Variants in STARD9 observed in about 807,000 individuals in gnomAD.
The protein encoded by STARD9 is StAR related lipid transfer domain containing 9.
In STARD9, 346 loss-of-function variants were observed where a neutral mutation model predicts 399.8. That is an observed-to-expected ratio of 0.87 (90% CI 0.79 to 0.95). The LOEUF (loss-of-function observed/expected upper bound fraction) is 0.95. Among genes scored for constraint, STARD9 ranks in the 40% least tolerant of loss-of-function variants. The pLI is 0.00. For synonymous variants in STARD9, 2,203 were observed against 2,143.5 expected, an observed-to-expected ratio of 1.03 and a Z score of -0.77; for missense variants, 5,832 against 5,667.5, an observed-to-expected ratio of 1.03 and a Z score of -0.93.
At chr15:42,673,099 A>C (rs2060235086) in intron 16 of STARD9, 1 of 144,942 alleles carries the variant, frequency 6.9e-6, no homozygotes, top group Non-Finnish European at 1.5e-5. Flanking sequence ...CTCCATCTCA[A>C]AAAAAAAAAA....
chr15:42,684,579 G>T lies in STARD9; in HGVS notation c.3001G>T (p.Ala1001Ser). The change falls in exon 23 of 33, where the codon GCT becomes TCT. Residue 1001 changes from alanine to serine, a missense_variant. Ala to Ser is a moderately conservative substitution (Grantham distance 99). Around this residue, in one of 2 missense-constraint regions of STARD9, gnomAD observed 5,828 missense variants for 5,651.1 expected, o/e 1.03. Coordinates refer to ENST00000290607, the MANE Select transcript of STARD9 (RefSeq NM_020759.3). ...RKEGNLGTHK[A>S]AKGASCNSLY... ...AGAAGGGAACCTTGGGACCCACAAG[G>T]CTGCTAAGGGAGCCAGTTGCAATTC... 1 of 1,537,200 alleles carries T rather than the reference G, an allele frequency of 6.5e-7. No homozygotes were observed. The highest frequency in any genetic ancestry group is 8.7e-7 in the Non-Finnish European group (1 of 1,146,898).
Position 42,692,361 on chromosome 15 carries a change from G to T in STARD9, c.10783G>T (p.Gly3595Cys), listed in dbSNP as rs559885676. Reference sequence around the variant, plus strand: ...AAGGCCTCAGTTCAGGGGCCCTTCTGGTGAAGCAGACTGTCTGAGGAGTAA... The same window carrying T: ...AAGGCCTCAGTTCAGGGGCCCTTCTTGTGAAGCAGACTGTCTGAGGAGTAA... ...DRRPQFRGPS[G>C]EADCLRSKPP... The change falls in exon 23 of 33, where the codon GGT becomes TGT. Residue 3595 changes from glycine (G) to cysteine (C), a missense_variant. This residue lies in a region of STARD9 where 5,828 missense variants were observed against 5,651.1 expected (regional missense o/e 1.03). Coordinates refer to ENST00000290607, the MANE Select transcript of STARD9 (RefSeq NM_020759.3). 119 of 1,537,030 alleles carry T rather than the reference G, an allele frequency of 7.7e-5. No individual in the cohort carries two copies. In the African/African-American group the frequency reaches 1.4e-3, roughly 18 times the overall value.
intron 3 of STARD9, among the ~76,000 whole-genome samples, chr15:42,623,165 T>C (rs949189013): frequency 6.6e-6 from 1 of 152,064 alleles, no homozygotes; most frequent in African/African-American, 2.4e-5. Flanking sequence ...GGCAGGAGAA[T>C]TGCTTGAACC....
At chr15:42,586,799 C>G (rs1459781654) in intron 3 of STARD9, among the ~76,000 whole-genome samples, 3 of 151,166 alleles carry the variant, frequency 2.0e-5, no homozygotes, top group African/African-American at 7.3e-5. Context: ...AATAAAAAGT[C>G]AAACTATGTT....
At chr15:42,718,636 TA>T in intron 31 of STARD9, 115 bp from the exon 32 acceptor site, 1 of 1,424,110 alleles carries the variant, frequency 7.0e-7, no homozygotes, top group South Asian at 1.2e-5. Flanking sequence ...GGAGCCAGGG[TA>T]GGGGTGGCTT....
intron 3 of STARD9, among the ~76,000 whole-genome samples, chr15:42,598,350 A>T (rs1254252966): frequency 6.6e-6 from 1 of 151,596 alleles, no homozygotes; most frequent in Admixed American, 6.6e-5. Flanking sequence ...TTTTTAATGT[A>T]GTCAAATTTA....
chr15:42,606,796 A>G (rs574256734), intron 3 of STARD9, among the ~76,000 whole-genome samples: 3 of 152,100 alleles, frequency 2.0e-5, no homozygotes, highest in Non-Finnish European at 2.9e-5. Flanking sequence ...AAGTGCTTGT[A>G]TACATGTACA....
At position 42,665,275 on chromosome 15, in the gene STARD9, G is replaced by A; in HGVS notation, c.1199G>A (p.Arg400Lys). ...VNEDANLKLI[R>K]ELREEIERLK... ...CAGGATGCAAACTTAAAACTGATTAGAGAACTCAGAGAAGAGATTGAAAGA... is the reference window on the plus strand; with the variant it reads ...CAGGATGCAAACTTAAAACTGATTAAAGAACTCAGAGAAGAGATTGAAAGA... Residue 400 changes from arginine to lysine, a missense_variant, in exon 14 of 33, where the codon AGA (arginine) becomes AAA (lysine). Arg to Lys is a conservative substitution (Grantham distance 26, BLOSUM62 2). Around this residue, in one of 2 missense-constraint regions of STARD9, gnomAD observed 5,828 missense variants for 5,651.1 expected, o/e 1.03. Coordinates refer to ENST00000290607, the MANE Select transcript of STARD9 (RefSeq NM_020759.3). 2.0e-6 allele frequency: 3 copies of A among 1,537,064 alleles called. No individual in the cohort carries two copies. The highest frequency in any genetic ancestry group is 2.6e-6 in the Non-Finnish European group (3 of 1,146,800).
At position 42,718,166 on chromosome 15, in the gene STARD9, C is replaced by G. The variant is rs938046; in HGVS notation, c.13749C>G (p.Asn4583Lys). The change falls in exon 30 of 33, where the codon AAC becomes AAG. Residue 4583 changes from asparagine (N) to lysine (K), a missense_variant. Asn to Lys is a moderately conservative substitution (Grantham distance 94). This residue lies in a region of STARD9 where 5,828 missense variants were observed against 5,651.1 expected (regional missense o/e 1.03). Coordinates refer to ENST00000290607, the MANE Select transcript of STARD9 (RefSeq NM_020759.3). ...CAAGGCTGCATCAGCGAGTGACCAA[C>G]AGCATCAGCCTGGGTGAGCCCAGGG... ...QTARLHQRVT[N>K]SISLVYLVCN... The G allele has an allele frequency of 8.5e-6, 13 of 1,536,858 alleles. No homozygotes were observed. The highest frequency in any genetic ancestry group is 3.9e-5 in the Admixed American group (2 of 51,002).
chr15:42,701,920 G>A (rs969113318), intron 26 of STARD9, among the ~76,000 whole-genome samples: 7 of 150,946 alleles, frequency 4.6e-5, no homozygotes, highest in Non-Finnish European at 1.0e-4. Flanking sequence ...CTTGAACCCG[G>A]GAGGGTGGAG....
At chr15:42,581,844 T>G (rs1254559659) in intron 1 of STARD9, among the ~76,000 whole-genome samples, 1 of 152,214 alleles carries the variant, frequency 6.6e-6, no homozygotes, top group African/African-American at 2.4e-5. Context: ...TGCTTGGCTG[T>G]CTGGTTTTTA....
At chr15:42,587,931 A>G (rs1222733503) in intron 3 of STARD9, among the ~76,000 whole-genome samples, 2 of 152,192 alleles carry the variant, frequency 1.3e-5, no homozygotes, top group Admixed American at 6.5e-5. Context: ...GTTTGTAACC[A>G]TTCCCTTGAG....
At chr15:42,619,031 T>A (rs2059031464) in intron 3 of STARD9, among the ~76,000 whole-genome samples, 1 of 152,198 alleles carries the variant, frequency 6.6e-6, no homozygotes, top group Admixed American at 6.5e-5. Flanking sequence ...TTCTAGTCTG[T>A]TAATTTCAGT....
intron 7 of STARD9, among the ~76,000 whole-genome samples, chr15:42,649,896 C>T (rs1237338210): frequency 3.5e-5 from 4 of 113,342 alleles, no homozygotes; most frequent in Admixed American, 2.3e-4. Context: ...GATGGAGTTT[C>T]GCTCTTGTTG....
At chr15:42,597,742 G>A (rs2058536294) in intron 3 of STARD9, among the ~76,000 whole-genome samples, 1 of 151,892 alleles carries the variant, frequency 6.6e-6, no homozygotes, top group Non-Finnish European at 1.5e-5. Context: ...TCACCATGTT[G>A]GCCAGGCTGG....
intron 3 of STARD9, among the ~76,000 whole-genome samples, chr15:42,626,384 C>A (rs113551877): frequency 2.7e-5 from 3 of 111,146 alleles, no homozygotes; most frequent in Admixed American, 2.5e-4. Context: ...CCTCTTCCTC[C>A]TCTTCCTCTT....
intron 3 of STARD9, among the ~76,000 whole-genome samples, chr15:42,634,264 TACC>T (rs1340797573): frequency 3.3e-5 from 5 of 152,106 alleles, no homozygotes; most frequent in Admixed American, 6.6e-5. Context: ...CCAAGCAGTA[TACC>T]AAGTACAGGA....
chr15:42,630,982 CTT>C (rs1320873788), intron 3 of STARD9, among the ~76,000 whole-genome samples: 3 of 138,680 alleles, frequency 2.2e-5, no homozygotes, highest in Admixed American at 7.2e-5. Context: ...TTTTCTAGCT[CTT>C]TTTTTTTTTT....
At chr15:42,710,246 A>T (rs1412496242) in intron 26 of STARD9, among the ~76,000 whole-genome samples, 1 of 150,974 alleles carries the variant, frequency 6.6e-6, no homozygotes, top group East Asian at 1.9e-4. Context: ...TTTGTTTTCT[A>T]GAGATGGGGT....
Sources: gnomAD v4.1 joint callset for allele counts (sites outside exome capture counted in the v4.1 genomes callset) on GRCh38, gnomAD v4.1.1 for gene constraint, gnomAD v4.1.1 regional missense constraint, MANE v1.5 for transcripts, NCBI Gene and HGNC (gene_info 2026-07-23, HGNC 2026-07-21) for gene names.